CACNG1: variants seen among roughly 807,000 people sequenced by gnomAD.
CACNG1 encodes voltage-dependent calcium channel gamma-1 subunit.
Under a neutral mutation model 22.0 loss-of-function variants are expected in CACNG1, and 21 were observed. That is an observed-to-expected ratio of 0.95 (90% CI 0.68 to 1.37). The LOEUF (loss-of-function observed/expected upper bound fraction) is 1.37, where lower values mean the gene tolerates loss of function less well. Among genes scored for constraint, CACNG1 ranks in the 40% most tolerant of loss-of-function variants. The probability of loss-of-function intolerance (pLI) is 0.00; values close to 1 mark genes in which losing one functional copy is unlikely to be tolerated. For missense variants in CACNG1, 291 were observed against 308.6 expected (o/e 0.94, Z 0.43); for synonymous variants, 127 against 129.2 (o/e 0.98, Z 0.12).
rs1045321561 is a variant in CACNG1, at chr17:67,055,367, G to C, written c.442+127G>C. 1 of 1,131,164 alleles carries C rather than the reference G, an allele frequency of 8.8e-7. No homozygotes were observed. 70.1% of individuals were successfully genotyped at this position (1,131,164 alleles called of 1,614,324 possible). ...TTTCCCAGGCTCCATCCCCATCCAGGGGCAAACCTGGCCAGGCCATCAGCG... is the reference window on the plus strand; with the variant it reads ...TTTCCCAGGCTCCATCCCCATCCAGCGGCAAACCTGGCCAGGCCATCAGCG... On this transcript the variant is annotated intron_variant, in intron 3 of 3. Coordinates refer to ENST00000226021, the MANE Select transcript of CACNG1 (RefSeq NM_000727.4). The surrounding 1 kb of genome is among the most constrained non-coding windows in gnomAD (Gnocchi z 4.5).
intron 1 of CACNG1, 26 bp from the exon 2 acceptor site, chr17:67,053,970 C>T: frequency 6.2e-7 from 1 of 1,600,152 alleles, no homozygotes; most frequent in Non-Finnish European, 8.6e-7. Context: ...CTCCCCTCAA[C>T]TCACAGTCTG....
At position 67,054,943 on chromosome 17, in the gene CACNG1, T is replaced by C. The variant is rs540758432; in HGVS notation, c.305-160T>C. Among the ~76,000 whole-genome samples the C allele has an allele frequency of 6.8e-6, 1 of 146,770 alleles. No homozygotes were observed. Among genetic ancestry groups the C allele is most frequent in the African/African-American group, 2.5e-5 (1 of 39,288 alleles). ...CACACACACAGATACACACATACAA[T>C]GACACACACAAGACAGACACAGAGA... On this transcript the variant is annotated intron_variant, in intron 2 of 3. Transcript: ENST00000226021. This position sits in a 1 kb window ranked among gnomAD's most constrained non-coding sequence, Gnocchi z 4.6.
In CACNG1 at chr17:67,055,193, AGAG is replaced by A; in HGVS notation, c.397_399del (p.Arg133del). On this transcript the variant is annotated inframe_deletion, in exon 3 of 4. Transcript: ENST00000226021. This position sits in a 1 kb window ranked among gnomAD's most constrained non-coding sequence, Gnocchi z 4.5. ...TGTGTCCTCCTGTCCCTCGGGAAGA[AGAG>A]GGACTATCTGCTGCGACCCGCGTCC... 3.7e-6 allele frequency: 6 copies of A among 1,614,144 alleles called. No individual in the cohort carries two copies. Among genetic ancestry groups the A allele is most frequent in the Non-Finnish European group, 5.1e-6 (6 of 1,179,954 alleles).
chr17:67,051,362 C>T (rs1248217394), intron 1 of CACNG1, among the ~76,000 whole-genome samples: 5 of 152,132 alleles, frequency 3.3e-5, no homozygotes, highest in Non-Finnish European at 7.3e-5. Context: ...CGTGCCCCCA[C>T]CCCTACAGGG....
At chr17:67,048,323 A>C in intron 1 of CACNG1, among the ~76,000 whole-genome samples, 2 of 30,358 alleles carry the variant, frequency 6.6e-5, no homozygotes, top group Middle Eastern at 0.012. Context: ...AAAAAAAAAA[A>C]AACAAAAAAA....
chr17:67,044,879 C>T lies in CACNG1; in HGVS notation c.219C>T (p.Thr73=), dbSNP rs1200256217. The change falls in exon 1 of 4, where the codon ACC becomes ACT. Residue 73 remains threonine (T), a synonymous_variant. Coordinates refer to ENST00000226021, the MANE Select transcript of CACNG1 (RefSeq NM_000727.4). The surrounding 1 kb of genome is among the most constrained non-coding windows in gnomAD (Gnocchi z 6.9). ...ACAGCAAGACCTGCGGGCCCATCAC[C>T]CTGCCCGGGGGTAACGTACCCACCC... ...MDDSKTCGPI[T]LPGEKNCSYF... 6.2e-7 allele frequency: 1 copy of T among 1,612,366 alleles called. No individual in the cohort carries two copies. Among genetic ancestry groups the T allele is most frequent in the East Asian group, 2.2e-5 (1 of 44,858 alleles).
Position 67,054,000 on chromosome 17 carries a change from G to A in CACNG1, c.234G>A (p.Lys78=). Reference sequence around the variant, plus strand: ...AGTCTGTCTCCTCCTTTGCAGAGAAGAACTGTTCCTACTTCAGGCATTTTA... The same window carrying A: ...AGTCTGTCTCCTCCTTTGCAGAGAAAAACTGTTCCTACTTCAGGCATTTTA... ...TCGPITLPGE[K]NCSYFRHFNP... The change falls in exon 2 of 4, where the codon AAG becomes AAA. Residue 78 remains lysine (K), a synonymous_variant. Transcript: ENST00000226021. 2 of 1,613,836 alleles carry A rather than the reference G, an allele frequency of 1.2e-6. No individual in the cohort carries two copies. Among genetic ancestry groups the A allele is most frequent in the Non-Finnish European group, 1.7e-6 (2 of 1,179,734 alleles).
At position 67,054,437 on chromosome 17, in the gene CACNG1, G is replaced by A. The variant is rs974515598; in HGVS notation, c.304+367G>A. 6.6e-6 allele frequency among the ~76,000 whole-genome samples: 1 copy of A among 152,236 alleles called. No individual in the cohort carries two copies. Among genetic ancestry groups the A allele is most frequent in the Non-Finnish European group, 1.5e-5 (1 of 68,046 alleles). ...TAGTTAGAGTCTGCAGGGACAGTCT[G>A]AGTCCCTCCCTGGCCTAGAAATCCC... On this transcript the variant is annotated intron_variant, in intron 2 of 3. Coordinates refer to ENST00000226021, the MANE Select transcript of CACNG1 (RefSeq NM_000727.4). The surrounding 1 kb of genome is among the most constrained non-coding windows in gnomAD (Gnocchi z 4.6).
chr17:67,044,798 C>T lies in CACNG1; in HGVS notation c.138C>T (p.Cys46=), dbSNP rs140686694. ...ACATGGAGCACCACAACACTACCTG[C>T]GAGGCGGCCCACTTCGGCCTCTGGC... The part of the protein sequence containing the change: ...SPHMEHHNTT[C]EAAHFGLWRI... Residue 46 remains cysteine, a synonymous_variant, in exon 1 of 4, where the codon TGC becomes TGT. Coordinates refer to ENST00000226021, the MANE Select transcript of CACNG1 (RefSeq NM_000727.4). This position sits in a 1 kb window ranked among gnomAD's most constrained non-coding sequence, Gnocchi z 6.9. 7.4e-4 allele frequency: 1,197 copies of T among 1,613,420 alleles called. 6 individuals carry two copies. In the African/African-American group the frequency reaches 0.014, roughly 18 times the overall value.
At chr17:67,050,675 T>C (rs1478495863) in intron 1 of CACNG1, among the ~76,000 whole-genome samples, 1 of 152,128 alleles carries the variant, frequency 6.6e-6, no homozygotes, top group Non-Finnish European at 1.5e-5. Flanking sequence ...CCCTATTAAC[T>C]CAAGTTCAGC....
At chr17:67,045,459 C>T (rs990667740) in intron 1 of CACNG1, among the ~76,000 whole-genome samples, 2 of 151,500 alleles carry the variant, frequency 1.3e-5, no homozygotes, top group African/African-American at 4.9e-5. Context: ...AGCAGCTGCA[C>T]AGGTTGAATG....
At chr17:67,045,002 C>G (rs1452876689) in intron 1 of CACNG1, 113 bp downstream of exon 1, 3 of 798,020 alleles carry the variant, frequency 3.8e-6, no homozygotes, top group Non-Finnish European at 6.1e-6. Context: ...AATAGGGCAG[C>G]CGCCCAGCCT....
At chr17:67,046,677 G>T (rs1360995064) in intron 1 of CACNG1, among the ~76,000 whole-genome samples, 1 of 152,164 alleles carries the variant, frequency 6.6e-6, no homozygotes, top group African/African-American at 2.4e-5. Context: ...GGCAGGGCAG[G>T]GCAGGGCAAG....
chr17:67,047,100 A>G (rs766564348), intron 1 of CACNG1, among the ~76,000 whole-genome samples: 1 of 152,090 alleles, frequency 6.6e-6, no homozygotes, highest in Non-Finnish European at 1.5e-5. Flanking sequence ...GTGGGTTCAT[A>G]TGTGGCCCGT....
intron 1 of CACNG1, among the ~76,000 whole-genome samples, chr17:67,045,207 C>G (rs1328095634): frequency 2.0e-5 from 3 of 152,194 alleles, no homozygotes; most frequent in Non-Finnish European, 2.9e-5. Context: ...GCCCCACCTG[C>G]TCACTCTCTC....
Position 67,056,045 on chromosome 17 carries a change from G to C in CACNG1, c.443G>C (p.Gly148Ala). ...TGAGCATGCCTGGCTCTGCCCCCAG[G>C]TCTCTGCATCCTCGTCTCGGTGGAG... ...RPASMFYAFAGLCILVSVEVM... is the reference protein window; with the variant it reads ...RPASMFYAFAALCILVSVEVM... Residue 148 changes from glycine to alanine, a missense_variant and splice_region_variant, in exon 4 of 4, where the codon GGT becomes GCT. Physicochemically the swap from Gly to Ala is moderately conservative, Grantham distance 60. Coordinates refer to ENST00000226021, the MANE Select transcript of CACNG1 (RefSeq NM_000727.4). This position sits in a 1 kb window ranked among gnomAD's most constrained non-coding sequence, Gnocchi z 4.3. 6.2e-7 allele frequency: 1 copy of C among 1,609,568 alleles called. No homozygotes were observed. The highest frequency in any genetic ancestry group is 8.5e-7 in the Non-Finnish European group (1 of 1,179,652).
chr17:67,044,958 C>T lies in CACNG1; in HGVS notation c.229+69C>T. 1 of 1,332,094 alleles carries T rather than the reference C, an allele frequency of 7.5e-7. No homozygotes were observed. Among genetic ancestry groups the T allele is most frequent in the Non-Finnish European group, 1.0e-6 (1 of 957,272 alleles). The allele number at this position is 1,332,094 out of a possible 1,614,324, so 82.5% of individuals were successfully genotyped here. A position where few individuals can be genotyped will look rare whatever the true frequency, so the allele number is the denominator to read the frequency against. ...CCCCGTCATCCCCCTGGCAAAGTTG[C>T]CCTTGCGAAGGAAGGCAGGTTTCTC... On this transcript the variant is annotated intron_variant, in intron 1 of 3. Coordinates refer to ENST00000226021, the MANE Select transcript of CACNG1 (RefSeq NM_000727.4). The surrounding 1 kb of genome is among the most constrained non-coding windows in gnomAD (Gnocchi z 6.9).
chr17:67,055,055 A>G lies in CACNG1; in HGVS notation c.305-48A>G, dbSNP rs370298645. The G allele has an allele frequency of 2.5e-6, 4 of 1,583,310 alleles. No individual in the cohort carries two copies. The highest frequency in any genetic ancestry group is 2.3e-5 in the East Asian group (1 of 44,414). ...GTGTGGTCCCTAACGAGCCATGACAAGAGCTCCCATGCTGAGGCCGCATGC... is the reference window on the plus strand; with the variant it reads ...GTGTGGTCCCTAACGAGCCATGACAGGAGCTCCCATGCTGAGGCCGCATGC... On this transcript the variant is annotated intron_variant, in intron 2 of 3. Transcript: ENST00000226021. This position sits in a 1 kb window ranked among gnomAD's most constrained non-coding sequence, Gnocchi z 4.5.
chr17:67,054,370 C>A lies in CACNG1; in HGVS notation c.304+300C>A, dbSNP rs1288386045. On this transcript the variant is annotated intron_variant, in intron 2 of 3. Coordinates refer to ENST00000226021, the MANE Select transcript of CACNG1 (RefSeq NM_000727.4). This position sits in a 1 kb window ranked among gnomAD's most constrained non-coding sequence, Gnocchi z 4.6. ...TGTGACGGGAGGTGTGGATGTGGAACAAATGCTCAGAAGCCCCGTGGTGGC... is the reference window on the plus strand; with the variant it reads ...TGTGACGGGAGGTGTGGATGTGGAAAAAATGCTCAGAAGCCCCGTGGTGGC... 6.6e-6 allele frequency among the ~76,000 whole-genome samples: 1 copy of A among 152,258 alleles called. No homozygotes were observed. The highest frequency in any genetic ancestry group is 1.5e-5 in the Non-Finnish European group (1 of 68,016).
Sources: gnomAD v4.1 joint callset for allele counts (sites outside exome capture counted in the v4.1 genomes callset) on GRCh38, gnomAD v4.1.1 for gene constraint, Gnocchi (gnomAD v3.1) non-coding constraint, MANE v1.5 for transcripts, NCBI Gene and HGNC (gene_info 2026-07-23, HGNC 2026-07-21) for gene names.